Variants in ARMH3 observed in about 807,000 individuals in gnomAD.
The protein encoded by ARMH3 is armadillo-like helical domain-containing protein 3.
A neutral mutation model predicts 99.1 loss-of-function variants in ARMH3; 60 were observed. That is an observed-to-expected ratio of 0.61 (90% CI 0.49 to 0.75). The LOEUF (loss-of-function observed/expected upper bound fraction) is 0.75. Ranked by LOEUF, ARMH3 falls within the 30% of genes least tolerant of loss-of-function variation. The probability of loss-of-function intolerance (pLI) is 0.00; values close to 1 mark genes in which losing one functional copy is unlikely to be tolerated. For missense variants in ARMH3, 679 were observed against 843.1 expected (o/e 0.81, Z 2.41); for synonymous variants, 285 against 292.8 (o/e 0.97, Z 0.27).
chr10:101,926,005 A>G (rs537233658), intron 23 of ARMH3, among the ~76,000 whole-genome samples: 1 of 152,194 alleles, frequency 6.6e-6, no homozygotes, highest in Non-Finnish European at 1.5e-5. Context: ...AGCTGAATAT[A>G]TCTCCAACAA....
At chr10:101,997,126 G>A (rs564646205) in intron 15 of ARMH3, among the ~76,000 whole-genome samples, 1 of 151,436 alleles carries the variant, frequency 6.6e-6, no homozygotes, top group Non-Finnish European at 1.5e-5. Flanking sequence ...TCAGCCAGGC[G>A]TGGTGGCATG....
chr10:101,973,591 G>A (rs1470445028), intron 20 of ARMH3, among the ~76,000 whole-genome samples: 2 of 152,086 alleles, frequency 1.3e-5, no homozygotes, highest in African/African-American at 4.8e-5. Flanking sequence ...CCAGAACGAA[G>A]AATAGAAGGC....
intron 18 of ARMH3, among the ~76,000 whole-genome samples, chr10:101,991,150 A>G (rs1465446472): frequency 1.3e-5 from 2 of 152,238 alleles, no homozygotes; most frequent in Non-Finnish European, 2.9e-5. Context: ...AAGTAGATTT[A>G]GAAACTGGGG....
Position 101,992,053 on chromosome 10 carries a change from A to C in ARMH3, c.1276-15T>G, listed in dbSNP as rs1435594052. ...TGTCTCATAGGCTTCACACCAAAAA[A>C]ATGAAGAAAGGAAATTAGTAGACAC... On this transcript the variant is annotated splice_polypyrimidine_tract_variant and intron_variant, in intron 17 of 25. Transcript: ENST00000370033. The C allele has an allele frequency of 1.2e-5, 19 of 1,612,318 alleles. No individual in the cohort carries two copies. The highest frequency in any genetic ancestry group is 1.5e-5 in the Non-Finnish European group (18 of 1,178,522).
At chr10:101,852,636 C>T (rs1477223808) in intron 24 of ARMH3, among the ~76,000 whole-genome samples, 2 of 151,894 alleles carry the variant, frequency 1.3e-5, no homozygotes, top group Non-Finnish European at 2.9e-5. Context: ...ATAATCCCAG[C>T]AACTTTGGAG....
At chr10:101,908,824 C>T (rs1021280219) in intron 23 of ARMH3, among the ~76,000 whole-genome samples, 3 of 151,696 alleles carry the variant, frequency 2.0e-5, no homozygotes, top group African/African-American at 2.4e-5. Context: ...CCACGTCACC[C>T]GGCTAATTCT....
chr10:101,941,929 T>C (rs1056632951), intron 22 of ARMH3, among the ~76,000 whole-genome samples: 2 of 152,232 alleles, frequency 1.3e-5, no homozygotes, highest in South Asian at 4.1e-4. Flanking sequence ...AGTTCTCTGA[T>C]GGTAGAACCT....
intron 19 of ARMH3, among the ~76,000 whole-genome samples, chr10:101,976,610 T>C (rs1158706642): frequency 6.6e-6 from 1 of 152,150 alleles, no homozygotes; most frequent in Non-Finnish European, 1.5e-5. Context: ...TATAGTGACA[T>C]GGAATGCAAA....
At chr10:101,915,907 CA>C (rs1843065860) in intron 23 of ARMH3, among the ~76,000 whole-genome samples, 1 of 151,762 alleles carries the variant, frequency 6.6e-6, no homozygotes, top group East Asian at 1.9e-4. Flanking sequence ...GGGTTCATGC[CA>C]TTCTCCTGCC....
chr10:101,849,064 A>G (rs2066525538), intron 25 of ARMH3, among the ~76,000 whole-genome samples: 1 of 152,318 alleles, frequency 6.6e-6, no homozygotes, highest in East Asian at 1.9e-4. Flanking sequence ...AGCTGACGCA[A>G]GTTCAGCCCC....
At chr10:101,947,152 A>G (rs1590067087) in intron 22 of ARMH3, among the ~76,000 whole-genome samples, 1 of 151,988 alleles carries the variant, frequency 6.6e-6, no homozygotes, top group African/African-American at 2.4e-5. Context: ...ACCCCACTGC[A>G]CTCCAGCCTA....
At chr10:101,895,152 A>T (rs1046379174) in intron 23 of ARMH3, among the ~76,000 whole-genome samples, 7 of 152,200 alleles carry the variant, frequency 4.6e-5, no homozygotes, top group African/African-American at 1.4e-4. Context: ...CTTTTCAACA[A>T]ATGGTACTGG....
At chr10:101,863,479 C>G (rs1447399817) in intron 24 of ARMH3, among the ~76,000 whole-genome samples, 1 of 152,102 alleles carries the variant, frequency 6.6e-6, no homozygotes, top group Non-Finnish European at 1.5e-5. Flanking sequence ...CTTTCAGTAA[C>G]TAATAGAACA....
At chr10:102,020,479 A>G (rs1347921344) in intron 8 of ARMH3, among the ~76,000 whole-genome samples, 1 of 152,060 alleles carries the variant, frequency 6.6e-6, no homozygotes, top group Non-Finnish European at 1.5e-5. Context: ...GATCGAGACC[A>G]TCCTGGCCAC....
At chr10:101,944,989 C>T (rs945069574) in intron 22 of ARMH3, among the ~76,000 whole-genome samples, 24 of 152,126 alleles carry the variant, frequency 1.6e-4, no homozygotes, top group African/African-American at 5.8e-4. Context: ...AAATGGTGTT[C>T]TACTTCCAGC....
intron 23 of ARMH3, among the ~76,000 whole-genome samples, chr10:101,897,323 T>C (rs965671990): frequency 1.5e-4 from 23 of 152,250 alleles, no homozygotes; most frequent in Admixed American, 1.2e-3. Context: ...CCAGTTTCAC[T>C]GTAAGTAGCT....
rs12412819 is a variant in ARMH3, at chr10:101,901,520, G to A, written c.1782-12030C>T. Among the ~76,000 whole-genome samples, 265 of 152,238 alleles carry A rather than the reference G, an allele frequency of 1.7e-3. 5 individuals are homozygous for A. Among genetic ancestry groups the A allele is most frequent in the Admixed American group, 0.016 (251 of 15,282 alleles). On this transcript the variant is annotated intron_variant, in intron 23 of 25. Transcript: ENST00000370033. ...CAGGTGCTAACCACTGAGACGTGGC[G>A]TTACTCGGCCCTAGCTGCTCACCCA...
chr10:101,979,117 G>A (rs1846129608), intron 19 of ARMH3, among the ~76,000 whole-genome samples: 1 of 151,992 alleles, frequency 6.6e-6, no homozygotes, highest in African/African-American at 2.4e-5. Context: ...CCAGATAACA[G>A]AGTAAGACCC....
chr10:101,847,455 T>TCC lies in ARMH3; in HGVS notation c.*71_*72dup, dbSNP rs527805031. On this transcript the variant is annotated 3_prime_UTR_variant, in exon 26 of 26. Coordinates refer to ENST00000370033, the MANE Select transcript of ARMH3 (RefSeq NM_024541.3). ...CTCCAACCTCGGGGGCAGCCCCCTC[T>TCC]CCCCTCGCTCCCCCTCCAGCCCATG... The TCC allele has an allele frequency of 2.7e-6, 4 of 1,475,594 alleles. No homozygotes were observed. Among genetic ancestry groups the TCC allele is most frequent in the Non-Finnish European group, 3.8e-6 (4 of 1,056,796 alleles). 91.4% of individuals were successfully genotyped at this position (1,475,594 alleles called of 1,614,324 possible). A position where few individuals can be genotyped will look rare whatever the true frequency, so the allele number is the denominator to read the frequency against.
Sources: gnomAD v4.1 joint callset for allele counts (sites outside exome capture counted in the v4.1 genomes callset) on GRCh38, gnomAD v4.1.1 for gene constraint, MANE v1.5 for transcripts, NCBI Gene and HGNC (gene_info 2026-07-23, HGNC 2026-07-21) for gene names.